The following MIB1 variants were observed in gnomAD, a reference collection of about 807,000 sequenced individuals.
MIB1 encodes the protein MIB E3 ubiquitin protein ligase 1.
A neutral mutation model predicts 124.5 loss-of-function variants in MIB1; 278 were observed. The ratio of observed to expected loss-of-function variants is 2.23; its 90% CI spans 2.02 to 2.47. The LOEUF is 2.47. Ranked by LOEUF, MIB1 falls within the 30% of genes most tolerant of loss-of-function variation. The pLI is 0.00. For missense variants in MIB1, 957 were observed against 1,254.4 expected (o/e 0.76, Z 3.58); for synonymous variants, 446 against 429.4 (o/e 1.04, Z -0.48).
At chr18:21,851,722 A>G (rs138173036) in intron 17 of MIB1, among the ~76,000 whole-genome samples, 16 of 152,334 alleles carry the variant, frequency 1.1e-4, no homozygotes, top group Non-Finnish European at 2.2e-4. Context: ...AATGGCAAAC[A>G]GGCACTCTCT....
chr18:21,779,253 C>T (rs565129383), intron 5 of MIB1, among the ~76,000 whole-genome samples: 2 of 152,186 alleles, frequency 1.3e-5, no homozygotes, highest in African/African-American at 4.8e-5. Context: ...TTTACTCAGT[C>T]TTTGTTATAA....
intron 1 of MIB1, among the ~76,000 whole-genome samples, chr18:21,744,277 A>G (rs2040888748): frequency 6.6e-6 from 1 of 152,008 alleles, no homozygotes. Flanking sequence ...TAAGTACTTG[A>G]TATTTATTTG....
chr18:21,853,138 A>T lies in MIB1; in HGVS notation c.2587-2A>T. On this transcript the variant is annotated splice_acceptor_variant, in intron 17 of 20. Coordinates refer to ENST00000261537, the MANE Select transcript of MIB1 (RefSeq NM_020774.4). LOFTEE classifies it high-confidence loss of function. ...ACTGTGCTGTAACCTCTTTTTCTAT[A>T]GATTGAAGAATGTGTGGTATGCTCT... 6.2e-7 allele frequency: 1 copy of T among 1,607,916 alleles called. No homozygotes were observed. Among genetic ancestry groups the T allele is most frequent in the Non-Finnish European group, 8.5e-7 (1 of 1,174,664 alleles).
At chr18:21,707,744 C>T (rs934962360) in intron 1 of MIB1, among the ~76,000 whole-genome samples, 3 of 152,212 alleles carry the variant, frequency 2.0e-5, no homozygotes, top group African/African-American at 7.2e-5. Context: ...TAATTCTGGA[C>T]ACACGGGGAT....
chr18:21,798,383 T>A (rs942020325), intron 8 of MIB1, among the ~76,000 whole-genome samples, 155 bp downstream of exon 8: 22 of 152,134 alleles, frequency 1.4e-4, no homozygotes, highest in African/African-American at 5.1e-4. Context: ...TTTTAAACTT[T>A]CACTAAAAAT....
chr18:21,738,823 A>C (rs996585227), upstream of MIB1, among the ~76,000 whole-genome samples: 2 of 37,296 alleles, frequency 5.4e-5, no homozygotes, highest in African/African-American at 1.6e-4. Flanking sequence ...AAAAAAAAAA[A>C]AAAAAAAAAA....
At chr18:21,808,632 T>C (rs1311645679) in intron 10 of MIB1, among the ~76,000 whole-genome samples, 1 of 152,156 alleles carries the variant, frequency 6.6e-6, no homozygotes, top group Non-Finnish European at 1.5e-5. Flanking sequence ...AAGAGCTCTT[T>C]TGGAAAGTTG....
chr18:21,814,865 C>T (rs757317858), intron 10 of MIB1, among the ~76,000 whole-genome samples: 4 of 150,542 alleles, frequency 2.7e-5, no homozygotes, highest in South Asian at 2.1e-4. Context: ...TGAGCCACTG[C>T]GCCTGGCCTA....
At chr18:21,830,533 T>C (rs1432328263) in intron 12 of MIB1, 1 of 152,170 alleles carries the variant, frequency 6.6e-6, no homozygotes, top group Non-Finnish European at 1.5e-5. Flanking sequence ...AATTTAACAA[T>C]GAGAACATAT....
At chr18:21,760,454 A>T (rs1421866303) in intron 1 of MIB1, among the ~76,000 whole-genome samples, 1 of 152,130 alleles carries the variant, frequency 6.6e-6, no homozygotes, top group Non-Finnish European at 1.5e-5. Context: ...CTTTGTTTAC[A>T]TTTTTCAATT....
At chr18:21,730,630 A>G (rs1384267674) in intron 1 of MIB1, among the ~76,000 whole-genome samples, 1 of 152,210 alleles carries the variant, frequency 6.6e-6, no homozygotes, top group Non-Finnish European at 1.5e-5. Context: ...CTACCCTTTC[A>G]CTTGGTTGCC....
chr18:21,766,164 A>G (rs149777361), intron 2 of MIB1, among the ~76,000 whole-genome samples: 184 of 152,312 alleles, frequency 1.2e-3, no homozygotes, highest in Admixed American at 2.1e-3. Flanking sequence ...AATCTGGGCT[A>G]TTCTTTCTCT....
rs550258267 is a variant in MIB1 at position 21,864,646 on chromosome 18, C to T, written c.3001C>T (p.Arg1001Ter). ...ECPICRKAIE[R>*]RILLY ...TCCTATCTGTCGCAAGGCTATTGAA[C>T]GAAGGATTCTTTTGTATTAACTAAG... The change falls in exon 21 of 21, where the codon CGA (arginine) becomes TGA (stop). Residue 1001 changes from arginine (R) to a stop codon, truncating the protein, a stop_gained. Transcript: ENST00000261537. LOFTEE classifies it high-confidence loss of function. The T allele has an allele frequency of 2.0e-5, 33 of 1,613,292 alleles. No individual in the cohort carries two copies. The highest frequency in any genetic ancestry group is 3.3e-5 in the South Asian group (3 of 90,970).
In MIB1 at chr18:21,864,956, T is replaced by C. The variant is rs1259872850; in HGVS notation, c.*290T>C. 4.5e-6 allele frequency: 1 copy of C among 221,272 alleles called. No individual in the cohort carries two copies. The highest frequency in any genetic ancestry group is 8.8e-6 in the Non-Finnish European group (1 of 113,986). The allele number at this position is 221,272 out of a possible 1,614,324, so 13.7% of individuals were successfully genotyped here. On this transcript the variant is annotated 3_prime_UTR_variant, in exon 21 of 21. Transcript: ENST00000261537. ...TTTAAGGATATCCTTTTTTAAAAAATTGCATTTTTCTCTTATAATTTGTAA... is the reference window on the plus strand; with the variant it reads ...TTTAAGGATATCCTTTTTTAAAAAACTGCATTTTTCTCTTATAATTTGTAA...
At chr18:21,740,625 G>A (rs570686217), upstream of MIB1, among the ~76,000 whole-genome samples, 112 of 152,306 alleles carry the variant, frequency 7.4e-4, 4 homozygotes, top group South Asian at 0.022. Context: ...ACTTTCTCCA[G>A]CCCCGCCTCC....
intron 1 of MIB1, chr18:21,724,061 T>G (rs1052047676): frequency 6.6e-6 from 1 of 152,270 alleles, no homozygotes; most frequent in African/African-American, 2.4e-5. Context: ...ATTAAACCTC[T>G]TAGCAATGTT....
chr18:21,725,119 C>G (rs1045062591), intron 1 of MIB1, among the ~76,000 whole-genome samples: 2 of 143,346 alleles, frequency 1.4e-5, no homozygotes, highest in African/African-American at 5.2e-5. Flanking sequence ...AAAAAAAAGA[C>G]GAATGTCATA....
At chr18:21,733,088 C>G (rs185830633) in intron 1 of MIB1, among the ~76,000 whole-genome samples, 1 of 152,130 alleles carries the variant, frequency 6.6e-6, no homozygotes, top group African/African-American at 2.4e-5. Context: ...TCTTTAGGAT[C>G]GTACTGGTAA....
intron 12 of MIB1, among the ~76,000 whole-genome samples, chr18:21,821,164 C>T (rs1166095378): frequency 2.0e-5 from 3 of 152,178 alleles, no homozygotes; most frequent in African/African-American, 7.2e-5. Flanking sequence ...TACTATTCTT[C>T]TAATTTTTTT....
Sources: allele counts gnomAD v4.1 joint callset (sites outside exome capture counted in the v4.1 genomes callset), GRCh38; gene constraint gnomAD v4.1.1; transcripts MANE v1.5; gene names NCBI Gene and HGNC (gene_info 2026-07-23, HGNC 2026-07-21).